The following GRID2IP variants were observed in gnomAD, a reference collection of about 807,000 sequenced individuals.
GRID2IP encodes the protein Grid2 interacting protein, also known as delphilin.
Under a neutral mutation model 114.3 loss-of-function variants are expected in GRID2IP, and 78 were observed. That is an observed-to-expected ratio of 0.68 (90% CI 0.57 to 0.82). The LOEUF is 0.82. Among genes scored for constraint, GRID2IP ranks in the 40% least tolerant of loss-of-function variants. The pLI, the probability that GRID2IP is intolerant of heterozygous loss-of-function variation, is 0.00. For missense variants in GRID2IP, 1,727 were observed against 1,678.5 expected (o/e 1.03, Z -0.51); for synonymous variants, 809 against 724.0 (o/e 1.12, Z -1.89).
At chr7:6,524,628 G>A (rs1779473884) in intron 4 of GRID2IP, among the ~76,000 whole-genome samples, 1 of 152,080 alleles carries the variant, frequency 6.6e-6, no homozygotes, top group East Asian at 2.0e-4. Context: ...GCTGAGGCAG[G>A]AGGATCCCTT....
intron 16 of GRID2IP, 138 bp from the exon 17 acceptor site, chr7:6,503,301 TG>T: frequency 9.3e-7 from 1 of 1,078,204 alleles, no homozygotes; most frequent in Non-Finnish European, 1.3e-6. Context: ...GCACGATCCC[TG>T]GGGGAGCCCG....
Position 6,503,002 on chromosome 7 carries a change from A to G in GRID2IP, c.3063+6T>C, listed in dbSNP as rs1786460004. On this transcript the variant is annotated splice_donor_region_variant and intron_variant, in intron 17 of 21. Transcript: ENST00000457091. ...ATAGGGTGCCAGGAAGGGTACGCCC[A>G]CTGACCTCCAGGATCTTGGCGAGCT... 1 of 1,551,424 alleles carries G rather than the reference A, an allele frequency of 6.4e-7. No homozygotes were observed. Among genetic ancestry groups the G allele is most frequent in the Non-Finnish European group, 8.7e-7 (1 of 1,146,914 alleles).
chr7:6,536,122 G>A lies in GRID2IP; in HGVS notation c.584+3596C>T, dbSNP rs1305706039. On this transcript the variant is annotated intron_variant, in intron 2 of 21. Transcript: ENST00000457091. The surrounding 1 kb of genome is among the most constrained non-coding windows in gnomAD (Gnocchi z 5.3). ...GAGATCGCTGCCACCCTAGAGGCCA[G>A]CACACTATGGGGCCATGGGTGACTG... Among the ~76,000 whole-genome samples, 1 of 152,208 alleles carries A rather than the reference G, an allele frequency of 6.6e-6. No individual in the cohort carries two copies. Among genetic ancestry groups the A allele is most frequent in the Non-Finnish European group, 1.5e-5 (1 of 68,036 alleles).
chr7:6,529,444 C>G (rs1583348302), intron 2 of GRID2IP, among the ~76,000 whole-genome samples: 2 of 151,768 alleles, frequency 1.3e-5, no homozygotes, highest in African/African-American at 4.8e-5. Context: ...GAGTGAGACT[C>G]CATCTCAAAA....
Position 6,509,132 on chromosome 7 carries a change from G to A in GRID2IP, c.1953C>T (p.Asp651=). Residue 651 remains aspartate, a synonymous_variant, in exon 12 of 22, where the codon GAC becomes GAT. Coordinates refer to ENST00000457091, the MANE Select transcript of GRID2IP (RefSeq NM_001145118.2). The surrounding 1 kb of genome is among the most constrained non-coding windows in gnomAD (Gnocchi z 4.9). ...PQPGPGPICP[D]SPPSPDPTRP... ...GGGTGGGGTCCGGGCTTGGGGGGCT[G>A]TCGGGGCAGATGGGCCCGGGGCCTG... The A allele has an allele frequency of 2.0e-6, 3 of 1,475,176 alleles. No homozygotes were observed. Among genetic ancestry groups the A allele is most frequent in the Non-Finnish European group, 2.7e-6 (3 of 1,112,762 alleles). The allele number at this position is 1,475,176 out of a possible 1,614,324, so 91.4% of individuals were successfully genotyped here.
chr7:6,542,912 C>T (rs1779834608), intron 1 of GRID2IP, among the ~76,000 whole-genome samples: 1 of 152,302 alleles, frequency 6.6e-6, no homozygotes, highest in East Asian at 1.9e-4. Context: ...TGGAGCTGAC[C>T]CTGAAGCAAG....
Position 6,510,958 on chromosome 7 carries a change from A to T in GRID2IP, c.1505T>A (p.Met502Lys). The T allele has an allele frequency of 6.5e-7, 1 of 1,548,122 alleles. No individual in the cohort carries two copies. The highest frequency in any genetic ancestry group is 2.5e-5 in the East Asian group (1 of 40,302). ...QPRSSLRASS[M>K]CRRSLRSQGL... ...CTGGGACCGGAGGCTGCGGCGGCACATGGAGGAAGCCCGCAGGGAGCTCCG... is the reference window on the plus strand; with the variant it reads ...CTGGGACCGGAGGCTGCGGCGGCACTTGGAGGAAGCCCGCAGGGAGCTCCG... Residue 502 changes from methionine to lysine, a missense_variant, in exon 9 of 22, where the codon ATG (methionine) becomes AAG (lysine). Met to Lys is a moderately conservative substitution (Grantham distance 95). Transcript: ENST00000457091.
intron 1 of GRID2IP, among the ~76,000 whole-genome samples, chr7:6,545,491 C>A (rs894595017): frequency 6.6e-6 from 1 of 152,144 alleles, no homozygotes; most frequent in South Asian, 2.1e-4. Flanking sequence ...GCCGAGAGCT[C>A]GCTCTTGAAC....
At chr7:6,527,072 G>T (rs1248158082) in intron 2 of GRID2IP, among the ~76,000 whole-genome samples, 1 of 151,946 alleles carries the variant, frequency 6.6e-6, no homozygotes. Flanking sequence ...GCCAGTCCAC[G>T]GACCCGTTCC....
chr7:6,519,315 T>C lies in GRID2IP; in HGVS notation c.1268+1263A>G, dbSNP rs1276962496. ...TTGTATAATTAAATGGCAAATTGTA[T>C]AGTATGTGAATTACATCTTAAGACT... On this transcript the variant is annotated intron_variant, in intron 7 of 21. Transcript: ENST00000457091. This position sits in a 1 kb window ranked among gnomAD's most constrained non-coding sequence, Gnocchi z 4.1. Among the ~76,000 whole-genome samples the C allele has an allele frequency of 6.6e-6, 1 of 152,198 alleles. No homozygotes were observed. Among genetic ancestry groups the C allele is most frequent in the African/African-American group, 2.4e-5 (1 of 41,448 alleles).
intron 1 of GRID2IP, among the ~76,000 whole-genome samples, chr7:6,541,640 ATGG>A (rs1217469510): frequency 3.3e-5 from 5 of 152,268 alleles, no homozygotes; most frequent in African/African-American, 9.6e-5. Flanking sequence ...GCAAATAGAC[ATGG>A]TGGAAACGAG....
rs1205825892 is a variant in GRID2IP, at chr7:6,526,489, G to A, written c.833+32C>T. ...GTCCCGAGCCCACCCGCAGGGAGGC[G>A]CCCGCTGCCAGTGCCTGTGAGCCCC... On this transcript the variant is annotated intron_variant, in intron 3 of 21. Transcript: ENST00000457091. The surrounding 1 kb of genome is among the most constrained non-coding windows in gnomAD (Gnocchi z 7.6). 3.9e-5 allele frequency: 53 copies of A among 1,372,108 alleles called. No individual in the cohort carries two copies. Among genetic ancestry groups the A allele is most frequent in the Non-Finnish European group, 4.6e-5 (49 of 1,063,900 alleles). The allele number at this position is 1,372,108 out of a possible 1,614,324, so 85.0% of individuals were successfully genotyped here. A position where few individuals can be genotyped will look rare whatever the true frequency, so the allele number is the denominator to read the frequency against.
rs868442209 is a variant in GRID2IP at position 6,503,506 on chromosome 7, G to A, written c.2892C>T (p.Asp964=). The part of the protein sequence containing the change: ...REAPGRLSEP[D]QFVLQMLSVP... ...GTCGCGGCACCTGCAGGACGAACTG[G>A]TCCGGCTCGCTGAGGCGGCCGGGCG... The change falls in exon 16 of 22, where the codon GAC becomes GAT. Residue 964 remains aspartate, a synonymous_variant. Coordinates refer to ENST00000457091, the MANE Select transcript of GRID2IP (RefSeq NM_001145118.2). 1 of 1,525,786 alleles carries A rather than the reference G, an allele frequency of 6.6e-7. No homozygotes were observed. The highest frequency in any genetic ancestry group is 1.2e-5 in the South Asian group (1 of 83,448). 94.5% of individuals were successfully genotyped at this position (1,525,786 alleles called of 1,614,324 possible). A position where few individuals can be genotyped will look rare whatever the true frequency, so the allele number is the denominator to read the frequency against.
chr7:6,510,827 G>A (rs922290591), intron 9 of GRID2IP, 81 bp downstream of exon 9: 2 of 1,487,006 alleles, frequency 1.3e-6, no homozygotes, highest in Non-Finnish European at 1.8e-6. Flanking sequence ...CCATTCCCTG[G>A]GATTCCCCAC....
At chr7:6,543,330 G>T (rs1431253803) in intron 1 of GRID2IP, among the ~76,000 whole-genome samples, 3 of 151,822 alleles carry the variant, frequency 2.0e-5, no homozygotes, top group African/African-American at 7.3e-5. Flanking sequence ...CTGGGAGGCG[G>T]AGGTTGCAGT....
At chr7:6,527,915 C>T (rs576994005) in intron 2 of GRID2IP, among the ~76,000 whole-genome samples, 3 of 152,094 alleles carry the variant, frequency 2.0e-5, no homozygotes, top group Non-Finnish European at 2.9e-5. Context: ...CATGCCACCA[C>T]GACGGCTAAT....
chr7:6,539,985 G>A, intron 1 of GRID2IP, 113 bp from the exon 2 acceptor site: 1 of 897,660 alleles, frequency 1.1e-6, no homozygotes, highest in Non-Finnish European at 1.7e-6. Context: ...GGCTGACGTG[G>A]GCGTACCACC....
Position 6,526,502 on chromosome 7 carries a change from G to A in GRID2IP, c.833+19C>T. The A allele has an allele frequency of 1.5e-6, 2 of 1,348,136 alleles. No homozygotes were observed. Among genetic ancestry groups the A allele is most frequent in the South Asian group, 3.8e-5 (2 of 52,812 alleles). 83.5% of individuals were successfully genotyped at this position (1,348,136 alleles called of 1,614,324 possible). On this transcript the variant is annotated intron_variant, in intron 3 of 21. Coordinates refer to ENST00000457091, the MANE Select transcript of GRID2IP (RefSeq NM_001145118.2). This position sits in a 1 kb window ranked among gnomAD's most constrained non-coding sequence, Gnocchi z 7.6. Reference sequence around the variant, plus strand: ...CCGCAGGGAGGCGCCCGCTGCCAGTGCCTGTGAGCCCCGCGTACCTGCGCG... The same window carrying A: ...CCGCAGGGAGGCGCCCGCTGCCAGTACCTGTGAGCCCCGCGTACCTGCGCG...
chr7:6,539,925 G>C, intron 1 of GRID2IP, 53 bp from the exon 2 acceptor site: 4 of 1,481,626 alleles, frequency 2.7e-6, no homozygotes, highest in Non-Finnish European at 3.7e-6. Flanking sequence ...TGGAACCCTG[G>C]AGAACTGCTC....
Sources: gnomAD v4.1 joint callset for allele counts (sites outside exome capture counted in the v4.1 genomes callset) on GRCh38, gnomAD v4.1.1 for gene constraint, Gnocchi (gnomAD v3.1) non-coding constraint, MANE v1.5 for transcripts, NCBI Gene and HGNC (gene_info 2026-07-23, HGNC 2026-07-21) for gene names.